The following UBXN11 variants were observed in gnomAD, a reference collection of about 807,000 sequenced individuals.
The protein encoded by UBXN11 is UBX domain-containing protein 11.
UBXN11 carries 47 observed loss-of-function variants against 62.8 expected under a neutral mutation model. That is an observed-to-expected ratio of 0.75 (90% CI 0.59 to 0.95). The LOEUF is 0.95. Ranked by LOEUF, UBXN11 falls within the 40% of genes least tolerant of loss-of-function variation. The pLI, the probability that UBXN11 is intolerant of heterozygous loss-of-function variation, is 0.00. For synonymous variants in UBXN11, 294 were observed against 267.0 expected (o/e 1.10, Z -0.99); for missense variants, 638 against 661.7 (o/e 0.96, Z 0.39).
intron 3 of UBXN11, among the ~76,000 whole-genome samples, chr1:26,301,482 T>C (rs538649671): frequency 1.1e-3 from 170 of 152,302 alleles, no homozygotes; most frequent in African/African-American, 4.0e-3. Context: ...TGGCAACATC[T>C]GTGCCAAGGG....
intron 1 of UBXN11, among the ~76,000 whole-genome samples, chr1:26,304,967 CT>C (rs909572870): frequency 7.9e-4 from 120 of 151,744 alleles, no homozygotes; most frequent in African/African-American, 2.7e-3. Context: ...CCAGCTAACT[CT>C]TTTTTTTCCC....
upstream of UBXN11, among the ~76,000 whole-genome samples, chr1:26,309,936 G>T (rs1181968302): frequency 6.6e-6 from 1 of 152,122 alleles, no homozygotes; most frequent in Admixed American, 6.6e-5. Context: ...CTCCTGAAAA[G>T]GTGTTCTTCT....
chr1:26,297,334 G>A, intron 6 of UBXN11, 93 bp downstream of exon 6: 8 of 1,389,468 alleles, frequency 5.8e-6, no homozygotes, highest in Non-Finnish European at 7.6e-6. Context: ...TGATGCTCTT[G>A]ATGCCAGAAG....
At chr1:26,297,327 T>C (rs1280911717) in intron 6 of UBXN11, 100 bp downstream of exon 6, 1 of 1,355,226 alleles carries the variant, frequency 7.4e-7, no homozygotes, top group South Asian at 1.5e-5. Context: ...GTCAGCTTGA[T>C]GCTCTTGATG....
chr1:26,307,064 A>T (rs1570141273), upstream of UBXN11: 1 of 152,198 alleles, frequency 6.6e-6, no homozygotes, highest in African/African-American at 2.4e-5. Context: ...TTGAGGATGG[A>T]TTGCAATGAT....
intron 5 of UBXN11, 109 bp downstream of exon 5, chr1:26,297,853 G>A (rs1454638594): frequency 1.6e-6 from 2 of 1,229,314 alleles, no homozygotes; most frequent in South Asian, 1.4e-5. Context: ...GCAGGTCAGT[G>A]TGGTAGACGG....
In UBXN11 at chr1:26,318,030, C is replaced by G. The variant is rs1176478409; in HGVS notation, c.-149+17G>C. The G allele has an allele frequency of 3.1e-6, 5 of 1,614,086 alleles. No homozygotes were observed. Among genetic ancestry groups the G allele is most frequent in the Non-Finnish European group, 4.2e-6 (5 of 1,180,028 alleles). On this transcript the variant is annotated intron_variant, in intron 1 of 14. Coordinates refer to the UBXN11 transcript ENST00000374217. Reference sequence around the variant, plus strand: ...AGATCCTACCAAAATGAAGCGCTTCCTCTTCCTCCTACTCACCATCAGCCT... The same window carrying G: ...AGATCCTACCAAAATGAAGCGCTTCGTCTTCCTCCTACTCACCATCAGCCT...
chr1:26,310,359 G>A (rs1158158498), upstream of UBXN11, among the ~76,000 whole-genome samples: 2 of 152,032 alleles, frequency 1.3e-5, no homozygotes, highest in African/African-American at 4.8e-5. Flanking sequence ...CCAACATGGT[G>A]AAACCCCATC....
In UBXN11 at chr1:26,302,932, G is replaced by A. The variant is rs1259697281; in HGVS notation, c.-35-14C>T. On this transcript the variant is annotated splice_polypyrimidine_tract_variant and intron_variant, in intron 1 of 14. Coordinates refer to ENST00000374222, the MANE Select transcript of UBXN11 (RefSeq NM_001389556.1). The stretch of plus-strand genomic sequence containing the variant: ...GTCAGGAACTCCCTAGAGGAATGCA[G>A]GAAGTCAGCCCCTGGGGACAGACTC... 3 of 1,587,120 alleles carry A rather than the reference G, an allele frequency of 1.9e-6. No individual in the cohort carries two copies. In the African/African-American group the frequency reaches 4.0e-5, roughly 21 times the overall value.
intron 1 of UBXN11, among the ~76,000 whole-genome samples, chr1:26,303,746 G>A (rs149440843): frequency 3.2e-4 from 49 of 152,054 alleles, no homozygotes; most frequent in South Asian, 6.2e-4. Flanking sequence ...AATGGGGGTC[G>A]TAATAGTACT....
intron 1 of UBXN11, chr1:26,317,935 C>T: frequency 8.1e-7 from 1 of 1,231,966 alleles, no homozygotes; most frequent in Non-Finnish European, 1.2e-6. Flanking sequence ...GGTTCAAAAG[C>T]AGCTAAACCA....
exon 1 of UBXN11, chr1:26,318,243 G>C: frequency 1.6e-6 from 1 of 618,202 alleles, no homozygotes; most frequent in Non-Finnish European, 2.9e-6. Flanking sequence ...CAGCCTTCCA[G>C]CTCTTCTGGC....
At chr1:26,284,600 T>C in intron 10 of UBXN11, 118 bp from the exon 11 acceptor site, 2 of 1,415,200 alleles carry the variant, frequency 1.4e-6, no homozygotes, top group Non-Finnish European at 1.9e-6. Context: ...ACCCCCATTT[T>C]ACATATGAGG....
chr1:26,283,079 C>T (rs2073039347), intron 12 of UBXN11, 142 bp from the exon 13 acceptor site: 1 of 1,071,530 alleles, frequency 9.3e-7, no homozygotes, highest in East Asian at 2.6e-5. Context: ...TAAACCAAGG[C>T]CAGAGGAGAG....
At chr1:26,293,029 G>A (rs187998159) in intron 8 of UBXN11, among the ~76,000 whole-genome samples, 41 of 152,268 alleles carry the variant, frequency 2.7e-4, no homozygotes, top group African/African-American at 9.6e-4. Flanking sequence ...AAACCAAGAA[G>A]GTGTCGTCAT....
At chr1:26,283,976 C>T (rs2073064146) in intron 12 of UBXN11, among the ~76,000 whole-genome samples, 166 bp downstream of exon 12, 1 of 152,134 alleles carries the variant, frequency 6.6e-6, no homozygotes, top group Non-Finnish European at 1.5e-5. Flanking sequence ...CAGCCCGTGC[C>T]CTCACCAGCC....
intron 8 of UBXN11, among the ~76,000 whole-genome samples, chr1:26,288,766 T>C (rs1489373929): frequency 6.6e-6 from 1 of 152,172 alleles, no homozygotes; most frequent in Non-Finnish European, 1.5e-5. Flanking sequence ...AACCTGTCTG[T>C]AAATGACAGC....
upstream of UBXN11, chr1:26,306,827 G>C (rs1269515919): frequency 1.8e-4 from 15 of 85,360 alleles, 2 homozygotes; most frequent in Non-Finnish European, 1.8e-4. Flanking sequence ...TCCGGGGCGG[G>C]GTGGGGGGGG....
exon 1 of UBXN11, chr1:26,318,281 T>C: frequency 1.8e-6 from 1 of 565,180 alleles, no homozygotes; most frequent in East Asian, 2.9e-5. Flanking sequence ...CGGGCTGCCC[T>C]GAGAGAAACC....
Sources: allele counts gnomAD v4.1 joint callset (sites outside exome capture counted in the v4.1 genomes callset), GRCh38; gene constraint gnomAD v4.1.1; transcripts MANE v1.5; gene names NCBI Gene and HGNC (gene_info 2026-07-23, HGNC 2026-07-21).